The following GALNT13 variants were observed in gnomAD, a reference collection of about 807,000 sequenced individuals.
The protein encoded by GALNT13 is UDP-GalNAc:polypeptide N-acetylgalactosaminyltransferase 13.
Under a neutral mutation model 64.2 loss-of-function variants are expected in GALNT13, and 28 were observed. The ratio of observed to expected loss-of-function variants is 0.44; its 90% CI spans 0.32 to 0.60. GALNT13 has a LOEUF of 0.60. Ranked by LOEUF, GALNT13 falls within the 20% of genes least tolerant of loss-of-function variation. GALNT13 has a pLI of 0.05. For synonymous variants in GALNT13, 214 were observed against 224.6 expected, an observed-to-expected ratio of 0.95 and a Z score of 0.42; for missense variants, 577 against 669.8, an observed-to-expected ratio of 0.86 and a Z score of 1.53.
intron 3 of GALNT13, among the ~76,000 whole-genome samples, chr2:154,085,377 G>A (rs528501042): frequency 6.6e-6 from 1 of 152,038 alleles, no homozygotes; most frequent in Admixed American, 6.6e-5. Flanking sequence ...GGAAACCATT[G>A]TGGTTTTCAG....
At chr2:153,184,201 G>A in the GALNT13 span, among the ~76,000 whole-genome samples, 1 of 152,208 alleles carries the variant, frequency 6.6e-6, no homozygotes, top group African/African-American at 2.4e-5. Flanking sequence ...ATTGTTAGCT[G>A]TATTCCTAGG....
At chr2:154,268,090 T>C (rs528082789) in intron 8 of GALNT13, among the ~76,000 whole-genome samples, 2 of 152,342 alleles carry the variant, frequency 1.3e-5, no homozygotes, top group African/African-American at 4.8e-5. Flanking sequence ...CTTGAGTATT[T>C]ACTCAGTGGA....
At chr2:153,110,746 C>G in the GALNT13 span, among the ~76,000 whole-genome samples, 1 of 152,084 alleles carries the variant, frequency 6.6e-6, no homozygotes, top group Non-Finnish European at 1.5e-5. Flanking sequence ...TCCTTTATTG[C>G]GTTAATACCT....
chr2:154,306,362 C>T (rs1056873381), intron 9 of GALNT13, among the ~76,000 whole-genome samples: 4 of 151,916 alleles, frequency 2.6e-5, no homozygotes, highest in Admixed American at 1.3e-4. Context: ...CATGTGTTCT[C>T]ATTGTTCACC....
intron 11 of GALNT13, among the ~76,000 whole-genome samples, chr2:154,438,192 A>G (rs1399123338): frequency 4.0e-5 from 6 of 151,278 alleles, no homozygotes; most frequent in African/African-American, 1.4e-4. Flanking sequence ...ATATGAAAAA[A>G]TGACATTGTA....
chr2:153,300,603 C>G, the GALNT13 span, among the ~76,000 whole-genome samples: 1 of 152,168 alleles, frequency 6.6e-6, no homozygotes, highest in African/African-American at 2.4e-5. Context: ...AATGTCATTA[C>G]TTTGAATCAA....
chr2:153,463,752 G>A, the GALNT13 span, among the ~76,000 whole-genome samples: 1 of 152,030 alleles, frequency 6.6e-6, no homozygotes, highest in African/African-American at 2.4e-5. Flanking sequence ...GATCCATAGA[G>A]GTATGATTAA....
intron 9 of GALNT13, among the ~76,000 whole-genome samples, chr2:154,313,012 T>C (rs954609666): frequency 2.0e-5 from 3 of 151,880 alleles, no homozygotes; most frequent in Admixed American, 6.6e-5. Context: ...ATAAATATTA[T>C]TTGTTGAATA....
chr2:154,050,312 T>G (rs912696866), intron 3 of GALNT13, among the ~76,000 whole-genome samples: 10 of 152,174 alleles, frequency 6.6e-5, no homozygotes, highest in African/African-American at 2.2e-4. Flanking sequence ...AAGTGAGGCT[T>G]AGTAAGTGAA....
At chr2:153,210,054 C>G in the GALNT13 span, among the ~76,000 whole-genome samples, 3 of 152,106 alleles carry the variant, frequency 2.0e-5, no homozygotes, top group Non-Finnish European at 4.4e-5. Flanking sequence ...TTTGACTTTA[C>G]TAAACTCACT....
the GALNT13 span, among the ~76,000 whole-genome samples, chr2:153,558,998 G>A: frequency 3.9e-5 from 6 of 152,038 alleles, no homozygotes; most frequent in African/African-American, 1.4e-4. Context: ...ATATTTTGGT[G>A]GTGATAAAAA....
chr2:153,511,712 G>T, the GALNT13 span, among the ~76,000 whole-genome samples: 2 of 152,194 alleles, frequency 1.3e-5, no homozygotes, highest in Non-Finnish European at 2.9e-5. Flanking sequence ...TTTTGCCAGG[G>T]TTGTAGTTTT....
intron 3 of GALNT13, among the ~76,000 whole-genome samples, chr2:153,998,214 G>A (rs1348233537): frequency 2.0e-5 from 3 of 152,010 alleles, no homozygotes; most frequent in South Asian, 2.1e-4. Flanking sequence ...TTGAGGAATC[G>A]CCACACTGTC....
chr2:153,309,208 C>A, the GALNT13 span, among the ~76,000 whole-genome samples: 1 of 152,074 alleles, frequency 6.6e-6, no homozygotes, highest in Non-Finnish European at 1.5e-5. Context: ...CAAAAATAAA[C>A]CCCAAAACCA....
At chr2:154,378,431 G>A (rs1698101638) in intron 9 of GALNT13, among the ~76,000 whole-genome samples, 1 of 152,072 alleles carries the variant, frequency 6.6e-6, no homozygotes, top group Non-Finnish European at 1.5e-5. Context: ...AAACGCTTGA[G>A]CTCTAGGAAA....
intron 11 of GALNT13, among the ~76,000 whole-genome samples, chr2:154,410,743 C>CA (rs35826649): frequency 0.11 from 15,986 of 151,134 alleles, 986 homozygotes; most frequent in Non-Finnish European, 0.14. Context: ...CAACTTATGG[C>CA]AAAAAAAATC....
intron 3 of GALNT13, among the ~76,000 whole-genome samples, chr2:154,004,550 C>T (rs1445034360): frequency 1.3e-5 from 2 of 152,138 alleles, no homozygotes; most frequent in African/African-American, 4.8e-5. Context: ...TCTGACAGAA[C>T]ATGGAACTTA....
chr2:154,266,918 A>G (rs112954513), intron 8 of GALNT13, among the ~76,000 whole-genome samples: 5,427 of 151,508 alleles, frequency 0.036, 150 homozygotes, highest in Non-Finnish European at 0.055. Flanking sequence ...TTAATAAAGA[A>G]AAAAGTTAGA....
At chr2:153,473,681 C>T in the GALNT13 span, among the ~76,000 whole-genome samples, 1 of 152,148 alleles carries the variant, frequency 6.6e-6, no homozygotes, top group East Asian at 1.9e-4. Context: ...TCTTACAGAA[C>T]AAACCGAACC....
Sources: gnomAD v4.1 joint callset for allele counts (sites outside exome capture counted in the v4.1 genomes callset) on GRCh38, gnomAD v4.1.1 for gene constraint, MANE v1.5 for transcripts, NCBI Gene and HGNC (gene_info 2026-07-23, HGNC 2026-07-21) for gene names.